NUP98: variants seen among roughly 807,000 people sequenced by gnomAD.
NUP98 encodes nucleoporin 98 and 96 precursor.
Under a neutral mutation model 191.9 loss-of-function variants are expected in NUP98, and 26 were observed. The ratio of observed to expected loss-of-function variants is 0.14; its 90% confidence interval spans 0.10 to 0.19. NUP98 has a LOEUF of 0.19. Ranked by LOEUF, NUP98 falls within the 10% of genes least tolerant of loss-of-function variation. NUP98 has a pLI of 1.00. For missense variants in NUP98, 1,941 were observed against 2,178.8 expected, an observed-to-expected ratio of 0.89 and a Z score of 2.17; for synonymous variants, 808 against 778.4, an observed-to-expected ratio of 1.04 and a Z score of -0.63.
At chr11:3,779,368 A>G (rs567551983) in intron 2 of NUP98, 111 bp from the exon 3 acceptor site, 1 of 939,520 alleles carries the variant, frequency 1.1e-6, no homozygotes, top group Admixed American at 1.8e-5. Flanking sequence ...GAGGCTGTGC[A>G]TGGTGGCTCA....
At position 3,705,321 on chromosome 11, in the gene NUP98, ATCT is replaced by A. The variant is rs555263657; in HGVS notation, c.2958_2960del (p.Glu986del). ...AGCGTTGATCCAGTGCCATATCTAC[ATCT>A]TCTTCATCAGTAAGCAATGATGCTT... On this transcript the variant is annotated inframe_deletion, in exon 22 of 33. Coordinates refer to ENST00000324932, the MANE Select transcript of NUP98 (RefSeq NM_016320.5). 199 of 1,614,204 alleles carry A rather than the reference ATCT, an allele frequency of 1.2e-4. No homozygotes were observed. In the African/African-American group the frequency reaches 2.4e-3, roughly 20 times the overall value.
In NUP98 at chr11:3,735,212, T is replaced by C; in HGVS notation, c.1521A>G (p.Ser507=). ...TTACCTCTTCCTTCTTCTTAGGGTC[T>C]GACATCGGATTCCGGAAGAGAGGAG... The part of the protein sequence containing the change: ...GDSPLFRNPM[S]DPKKKEERLK... Residue 507 remains serine (S), a synonymous_variant, in exon 13 of 33, where the codon TCA becomes TCG. Transcript: ENST00000324932. The C allele has an allele frequency of 6.3e-7, 1 of 1,594,042 alleles. No individual in the cohort carries two copies. Among genetic ancestry groups the C allele is most frequent in the South Asian group, 1.1e-5 (1 of 87,912 alleles).
rs906050611 is a variant in NUP98 at position 3,731,520 on chromosome 11, T to C, written c.1601A>G (p.Lys534Arg). The change falls in exon 14 of 33, where the codon AAA becomes AGA. Residue 534 changes from lysine (K) to arginine (R), a missense_variant. Coordinates refer to ENST00000324932, the MANE Select transcript of NUP98 (RefSeq NM_016320.5). The stretch of plus-strand genomic sequence containing the variant: ...TCTAGTGGCAGGGCGGGGTGTCAGT[T>C]TATAATGAGTAGGTGTAGTAAGAGC... Reference protein sequence around the residue: ...QKALTTPTHYKLTPRPATRVR... With the variant: ...QKALTTPTHYRLTPRPATRVR... The C allele has an allele frequency of 1.9e-6, 3 of 1,607,692 alleles. No individual in the cohort carries two copies. Among genetic ancestry groups the C allele is most frequent in the Non-Finnish European group, 2.5e-6 (3 of 1,176,612 alleles).
intron 14 of NUP98, among the ~76,000 whole-genome samples, chr11:3,729,716 A>T (rs2079766087): frequency 1.8e-5 from 1 of 55,234 alleles, no homozygotes; most frequent in Admixed American, 1.3e-4. Flanking sequence ...CTCTTGCCTC[A>T]AAAAAAAAAA....
chr11:3,743,025 CTTTT>C (rs545235961), intron 12 of NUP98, among the ~76,000 whole-genome samples: 245 of 151,516 alleles, frequency 1.6e-3, no homozygotes, highest in Non-Finnish European at 2.4e-3. Context: ...TTACTTTTTT[CTTTT>C]TTTTGTTGAG....
chr11:3,745,546 T>C (rs2080459046), intron 11 of NUP98, among the ~76,000 whole-genome samples: 2 of 152,192 alleles, frequency 1.3e-5, no homozygotes, highest in South Asian at 2.1e-4. Context: ...TACAAGTTAT[T>C]GGCATTATTA....
chr11:3,679,823 A>C (rs2077933308), intron 30 of NUP98, 115 bp from the exon 31 acceptor site: 2 of 979,046 alleles, frequency 2.0e-6, no homozygotes, highest in Non-Finnish European at 3.0e-6. Context: ...TGGACTTCAG[A>C]AGTAAAAGCA....
chr11:3,681,866 C>A (rs1172608017), intron 30 of NUP98, among the ~76,000 whole-genome samples: 3 of 152,204 alleles, frequency 2.0e-5, no homozygotes, highest in Admixed American at 2.0e-4. Context: ...ATTGACTTCT[C>A]TTCTCTAGCT....
Position 3,720,759 on chromosome 11 carries a change from T to A in NUP98, c.2213A>T (p.Asn738Ile). The A allele has an allele frequency of 1.9e-6, 3 of 1,604,490 alleles. No individual in the cohort carries two copies. The highest frequency in any genetic ancestry group is 2.6e-6 in the Non-Finnish European group (3 of 1,173,008). Residue 738 changes from asparagine to isoleucine, a missense_variant, in exon 17 of 33, where the codon AAT becomes ATT. This residue lies in a region of NUP98 where 453 missense variants were observed against 438.2 expected (regional missense o/e 1.03). Transcript: ENST00000324932. The part of the protein sequence containing the change: ...PSMDDLAKIT[N>I]EKGECIVSDF... The stretch of plus-strand genomic sequence containing the variant: ...AGAGACAATGCACTCTCCTTTTTCA[T>A]TGGTAATTTTAGCAAGGTCATCCAT...
chr11:3,796,005 C>T (rs764869962), intron 1 of NUP98, among the ~76,000 whole-genome samples: 2 of 152,192 alleles, frequency 1.3e-5, no homozygotes, highest in Non-Finnish European at 2.9e-5. Flanking sequence ...AAGTATTTCC[C>T]AGTACCTTTA....
Position 3,712,550 on chromosome 11 carries a change from C to G in NUP98, c.2742+14G>C. 6.2e-7 allele frequency: 1 copy of G among 1,612,582 alleles called. No homozygotes were observed. Among genetic ancestry groups the G allele is most frequent in the Non-Finnish European group, 8.5e-7 (1 of 1,179,440 alleles). Reference sequence around the variant, plus strand: ...CACGGATTCCATTCAAATTCACTGTCCTTTTTTCTCTACCTGAGGTGGAGG... The same window carrying G: ...CACGGATTCCATTCAAATTCACTGTGCTTTTTTCTCTACCTGAGGTGGAGG... On this transcript the variant is annotated intron_variant, in intron 20 of 32. Coordinates refer to ENST00000324932, the MANE Select transcript of NUP98 (RefSeq NM_016320.5).
At chr11:3,783,226 C>CA (rs1439170842) in intron 1 of NUP98, among the ~76,000 whole-genome samples, 3 of 148,346 alleles carry the variant, frequency 2.0e-5, no homozygotes, top group South Asian at 2.2e-4. Context: ...ACCCTGTCTA[C>CA]AAAAAATCAA....
At chr11:3,731,615 C>T in intron 13 of NUP98, 37 bp from the exon 14 acceptor site, 2 of 1,463,552 alleles carry the variant, frequency 1.4e-6, no homozygotes, top group Admixed American at 2.2e-5. Context: ...TTTTGGTTTA[C>T]TTTAAATGTA....
chr11:3,753,699 T>G (rs1170336973), intron 10 of NUP98, among the ~76,000 whole-genome samples: 1 of 127,224 alleles, frequency 7.9e-6, no homozygotes, highest in Non-Finnish European at 1.6e-5. Flanking sequence ...TCACCTGAAG[T>G]CAGGAGTTCA....
At chr11:3,688,203 G>A (rs2078187131) in intron 28 of NUP98, among the ~76,000 whole-genome samples, 1 of 152,092 alleles carries the variant, frequency 6.6e-6, no homozygotes, top group Admixed American at 6.5e-5. Flanking sequence ...AGGAGATCCA[G>A]ACCATCCTGG....
chr11:3,702,326 CTCTCTCTCTCTCTCTCTCT>C (rs773154712), intron 23 of NUP98, 118 bp downstream of exon 23: 181 of 210,246 alleles, frequency 8.6e-4, no homozygotes, highest in East Asian at 8.1e-3. Context: ...CTCTCTCTCT[CTCTCTCTCTCTCTCTCTCT>C]CTCTCTCTCT....
intron 20 of NUP98, among the ~76,000 whole-genome samples, chr11:3,708,448 A>G (rs1448261602): frequency 6.6e-6 from 1 of 152,162 alleles, no homozygotes; most frequent in Non-Finnish European, 1.5e-5. Flanking sequence ...GACTCGTCGT[A>G]TGTTTACGAA....
At chr11:3,775,801 G>A in intron 5 of NUP98, 81 bp downstream of exon 5, 1 of 1,400,512 alleles carries the variant, frequency 7.1e-7, no homozygotes, top group Non-Finnish European at 9.9e-7. Context: ...GCTGGAAAGA[G>A]AAGCAATTTT....
chr11:3,759,117 C>T (rs1431336706), intron 10 of NUP98, among the ~76,000 whole-genome samples: 1 of 152,138 alleles, frequency 6.6e-6, no homozygotes, highest in Non-Finnish European at 1.5e-5. Context: ...CTGACCTACA[C>T]CAAATAACCA....
Sources: allele counts gnomAD v4.1 joint callset (sites outside exome capture counted in the v4.1 genomes callset), GRCh38; gene constraint gnomAD v4.1.1; regional missense constraint gnomAD v4.1.1; transcripts MANE v1.5; gene names NCBI Gene and HGNC (gene_info 2026-07-23, HGNC 2026-07-21).